MET: variants seen among roughly 807,000 people sequenced by gnomAD.
MET encodes MET proto-oncogene, receptor tyrosine kinase.
In MET, 48 loss-of-function variants were observed where a neutral mutation model predicts 133.1. The observed-to-expected ratio is 0.36, with a 90% CI of 0.29 to 0.46. MET has a LOEUF of 0.46. MET is among the 20% of genes least tolerant of loss of function. MET has a pLI of 1.00. For synonymous variants in MET, 628 were observed against 616.5 expected (o/e 1.02, Z -0.28); for missense variants, 1,442 against 1,695.9 (o/e 0.85, Z 2.63).
At chr7:116,716,788 G>A (rs1161437762) in intron 2 of MET, among the ~76,000 whole-genome samples, 1 of 152,218 alleles carries the variant, frequency 6.6e-6, no homozygotes, top group Non-Finnish European at 1.5e-5. Context: ...GGCTGTGAGG[G>A]CAGAGCCACA....
chr7:116,769,855 G>A (rs2116985362), intron 12 of MET, 64 bp downstream of exon 12: 1 of 1,607,934 alleles, frequency 6.2e-7, no homozygotes, highest in Non-Finnish European at 8.5e-7. Context: ...GTTATTCTCA[G>A]GCTTAAAATA....
chr7:116,795,128 G>GT (rs375566772), intron 19 of MET, among the ~76,000 whole-genome samples: 11 of 151,910 alleles, frequency 7.2e-5, no homozygotes, highest in South Asian at 2.1e-4. Context: ...TTGCCTTGCA[G>GT]TTTTTTTTAT....
intron 15 of MET, 86 bp from the exon 16 acceptor site, chr7:116,777,302 TA>T: frequency 8.9e-7 from 1 of 1,126,534 alleles, no homozygotes; most frequent in South Asian, 1.3e-5. Context: ...GAAGAAAGAA[TA>T]AAATGAAGCT....
At chr7:116,759,700 A>AC in intron 10 of MET, 1 of 601,356 alleles carries the variant, frequency 1.7e-6, no homozygotes, top group South Asian at 1.6e-5. Flanking sequence ...ACACATACAC[A>AC]CATGCACATA....
At chr7:116,680,847 T>G (rs1796329592) in intron 1 of MET, among the ~76,000 whole-genome samples, 1 of 151,578 alleles carries the variant, frequency 6.6e-6, no homozygotes, top group Admixed American at 6.6e-5. Flanking sequence ...GAGGCTGAGG[T>G]GGGAGGATCA....
At chr7:116,713,541 G>A (rs980208831) in intron 2 of MET, among the ~76,000 whole-genome samples, 1 of 152,136 alleles carries the variant, frequency 6.6e-6, no homozygotes, top group African/African-American at 2.4e-5. Context: ...CCTGAGCTTG[G>A]CCTTGGTGTA....
chr7:116,794,311 T>C (rs909985530), intron 19 of MET, among the ~76,000 whole-genome samples: 1 of 152,184 alleles, frequency 6.6e-6, no homozygotes, highest in Non-Finnish European at 1.5e-5. Context: ...GACTTGAAAG[T>C]TAACACGATG....
chr7:116,777,533 A>G, intron 16 of MET, 64 bp downstream of exon 16: 1 of 1,438,852 alleles, frequency 6.9e-7, no homozygotes, highest in Non-Finnish European at 9.8e-7. Flanking sequence ...TAAATAGCTT[A>G]TAATAAAACG....
chr7:116,740,885 A>G lies in MET; in HGVS notation c.1561A>G (p.Arg521Gly), dbSNP rs1176112251. 4 of 1,614,126 alleles carry G rather than the reference A, an allele frequency of 2.5e-6. No homozygotes were observed. The South Asian group carries it at 3.3e-5, about 13-fold the overall frequency. Residue 521 changes from arginine (R) to glycine (G), a missense_variant, in exon 5 of 21, where the codon AGA (arginine) becomes GGA (glycine). Transcript: ENST00000397752. The stretch of plus-strand genomic sequence containing the variant: ...GATCCCATTGAATGGCTTGGGCTGC[A>G]GACATTTCCAGTCCTGCAGTCAATG... ...TKIPLNGLGC[R>G]HFQSCSQCLS...
intron 2 of MET, among the ~76,000 whole-genome samples, chr7:116,706,720 G>A (rs1049611678): frequency 5.3e-5 from 8 of 151,926 alleles, no homozygotes; most frequent in Non-Finnish European, 1.5e-5. Flanking sequence ...TCATGGGTTG[G>A]CACAGACACT....
At chr7:116,692,713 C>G (rs1425695998) in intron 1 of MET, among the ~76,000 whole-genome samples, 2 of 152,142 alleles carry the variant, frequency 1.3e-5, no homozygotes, top group South Asian at 2.1e-4. Context: ...AGTTTAGTGG[C>G]CAAGGTGCCA....
chr7:116,676,264 T>C (rs1266800457), intron 1 of MET, among the ~76,000 whole-genome samples: 2 of 152,246 alleles, frequency 1.3e-5, no homozygotes, highest in Admixed American at 6.5e-5. Flanking sequence ...GGCGATTATA[T>C]AATGGGCAAT....
At chr7:116,697,507 T>A (rs1797004295) in intron 1 of MET, among the ~76,000 whole-genome samples, 4 of 152,324 alleles carry the variant, frequency 2.6e-5, no homozygotes, top group Middle Eastern at 6.8e-3. Context: ...ATTCTTAGAC[T>A]ATTAGTAGGG....
chr7:116,759,259 A>G (rs1265928842), intron 9 of MET, 132 bp from the exon 10 acceptor site: 3 of 1,362,444 alleles, frequency 2.2e-6, no homozygotes, highest in Non-Finnish European at 3.0e-6. Context: ...ACAGTTACCC[A>G]TGAACTTCCA....
intron 2 of MET, among the ~76,000 whole-genome samples, chr7:116,716,482 AAAG>A (rs1451793261): frequency 2.3e-5 from 3 of 128,540 alleles, no homozygotes; most frequent in Admixed American, 7.6e-5. Context: ...AGAAAGAAAG[AAAG>A]AAAGAAAGAA....
intron 19 of MET, among the ~76,000 whole-genome samples, chr7:116,794,162 A>G (rs1795601838): frequency 6.6e-6 from 1 of 152,058 alleles, no homozygotes; most frequent in African/African-American, 2.4e-5. Context: ...CCTGTGTGGC[A>G]GTTATCTGCT....
In MET at chr7:116,759,325, C is replaced by T. The variant is rs2116936639; in HGVS notation, c.2265-66C>T. On this transcript the variant is annotated intron_variant, in intron 9 of 20. Coordinates refer to ENST00000397752, the MANE Select transcript of MET (RefSeq NM_000245.4). ...TCAGTGCAGGTGATTAAATTGAATCCCTCTCTTACAGTACTTGGTGGAAAG... is the reference window on the plus strand; with the variant it reads ...TCAGTGCAGGTGATTAAATTGAATCTCTCTCTTACAGTACTTGGTGGAAAG... 4 of 1,570,342 alleles carry T rather than the reference C, an allele frequency of 2.5e-6. No individual in the cohort carries two copies. Among genetic ancestry groups the T allele is most frequent in the Non-Finnish European group, 3.5e-6 (4 of 1,155,450 alleles).
chr7:116,773,285 C>A (rs1257522365), intron 14 of MET, among the ~76,000 whole-genome samples: 1 of 152,198 alleles, frequency 6.6e-6, no homozygotes, highest in Non-Finnish European at 1.5e-5. Context: ...GCTTTCCTCT[C>A]TACATCTGGT....
In MET at chr7:116,731,795, C is replaced by T. The variant is rs1304460497; in HGVS notation, c.1328C>T (p.Ser443Phe). Residue 443 changes from serine to phenylalanine, a missense_variant, in exon 3 of 21, where the codon TCC (serine) becomes TTC (phenylalanine). This residue lies in a region of MET where 762 missense variants were observed against 792.4 expected (regional missense o/e 0.96). Transcript: ENST00000397752. Reference sequence around the variant, plus strand: ...AGCGAAGTCCTCTTAACATCTATATCCACCTTCATTAAAGGAGACCTCACC... The same window carrying T: ...AGCGAAGTCCTCTTAACATCTATATTCACCTTCATTAAAGGAGACCTCACC... ...QFSEVLLTSI[S>F]TFIKGDLTIA... 6.2e-7 allele frequency: 1 copy of T among 1,614,110 alleles called. No homozygotes were observed. The highest frequency in any genetic ancestry group is 8.5e-7 in the Non-Finnish European group (1 of 1,179,990).
Sources: gnomAD v4.1 joint callset for allele counts (sites outside exome capture counted in the v4.1 genomes callset) on GRCh38, gnomAD v4.1.1 for gene constraint, gnomAD v4.1.1 regional missense constraint, MANE v1.5 for transcripts, NCBI Gene and HGNC (gene_info 2026-07-23, HGNC 2026-07-21) for gene names.